TUSC3: variants seen among roughly 807,000 people sequenced by gnomAD.
The protein encoded by TUSC3 is tumor suppressor candidate 3, also known as dolichyl-diphosphooligosaccharide--protein glycosyltransferase subunit TUSC3.
Under a neutral mutation model 44.8 loss-of-function variants are expected in TUSC3, and 45 were observed. The observed-to-expected ratio is 1.00, with a 90% CI of 0.79 to 1.29. The LOEUF is 1.29. TUSC3 is among the 50% of genes most tolerant of loss of function. The probability of loss-of-function intolerance (pLI) is 0.00; values close to 1 mark genes in which losing one functional copy is unlikely to be tolerated. For missense variants in TUSC3, 519 were observed against 437.9 expected, an observed-to-expected ratio of 1.19 and a Z score of -1.65; for synonymous variants, 212 against 152.9, an observed-to-expected ratio of 1.39 and a Z score of -2.85.
chr8:15,634,439 A>G (rs1014089912), intron 2 of TUSC3, among the ~76,000 whole-genome samples: 9 of 152,204 alleles, frequency 5.9e-5, no homozygotes, highest in African/African-American at 1.9e-4. Flanking sequence ...AGACTGAGCT[A>G]TGGCCACAGG....
At chr8:15,794,800 A>G in the TUSC3 span, among the ~76,000 whole-genome samples, 21 of 152,284 alleles carry the variant, frequency 1.4e-4, no homozygotes, top group South Asian at 2.3e-3. Context: ...TACCTTTATT[A>G]TACGAGACAG....
At chr8:15,433,441 T>C (rs1799903510) in intron 1 of TUSC3, among the ~76,000 whole-genome samples, 1 of 152,136 alleles carries the variant, frequency 6.6e-6, no homozygotes, top group African/African-American at 2.4e-5. Flanking sequence ...TTTTGACAAA[T>C]GTATGTCATG....
Position 15,765,985 on chromosome 8 carries a change from A to G in TUSC3, c.*1829A>G, listed in dbSNP as rs1812314856. ...AGCTGATTAAATGATATTACAAATT[A>G]TCTCTAATCTCACTGTAAATCTTTT... On this transcript the variant is annotated 3_prime_UTR_variant, in exon 11 of 11. Transcript: ENST00000503731. The G allele has an allele frequency of 6.6e-6, 1 of 152,078 alleles. No individual in the cohort carries two copies. The highest frequency in any genetic ancestry group is 2.1e-4 in the South Asian group (1 of 4,818). 9.4% of individuals were successfully genotyped at this position (152,078 alleles called of 1,614,324 possible).
intron 1 of TUSC3, among the ~76,000 whole-genome samples, chr8:15,556,617 C>G (rs1477851074): frequency 6.8e-6 from 1 of 146,500 alleles, no homozygotes; most frequent in Non-Finnish European, 1.5e-5. Flanking sequence ...TACAGTCCCA[C>G]CAACAGTGTA....
the TUSC3 span, among the ~76,000 whole-genome samples, chr8:15,805,525 T>C: frequency 5.3e-5 from 8 of 152,178 alleles, no homozygotes; most frequent in African/African-American, 1.2e-4. Context: ...AGTTTGTTGA[T>C]GGTTTATTAT....
the TUSC3 span, chr8:15,806,974 C>T: frequency 4.1e-6 from 6 of 1,466,300 alleles, no homozygotes; most frequent in South Asian, 1.1e-5. Context: ...CTCCAGGAAA[C>T]CTGTTCTGAT....
chr8:15,593,697 C>T lies in TUSC3; in HGVS notation c.139-29383C>T, dbSNP rs140573285. On this transcript the variant is annotated intron_variant, in intron 1 of 10. Transcript: ENST00000503731. ...GCCTTCATTTCTTGTAGTCTTTCCTCATTTCTACCATTATATTGAAATTAT... is the reference window on the plus strand; with the variant it reads ...GCCTTCATTTCTTGTAGTCTTTCCTTATTTCTACCATTATATTGAAATTAT... 2.7e-3 allele frequency among the ~76,000 whole-genome samples: 408 copies of T among 152,272 alleles called. 2 individuals carry two copies. The highest frequency in any genetic ancestry group is 9.4e-3 in the African/African-American group (391 of 41,558).
chr8:15,441,953 G>C (rs1800026225), intron 1 of TUSC3, among the ~76,000 whole-genome samples: 2 of 152,058 alleles, frequency 1.3e-5, no homozygotes, highest in Admixed American at 1.3e-4. Flanking sequence ...CTCCTATCCG[G>C]TCTCATTCCC....
chr8:15,832,285 G>A, the TUSC3 span, among the ~76,000 whole-genome samples: 1 of 152,078 alleles, frequency 6.6e-6, no homozygotes, highest in Non-Finnish European at 1.5e-5. Flanking sequence ...CCCACCTGAA[G>A]GAAACACTGA....
At chr8:15,590,616 A>T (rs1351745956) in intron 1 of TUSC3, among the ~76,000 whole-genome samples, 2 of 151,762 alleles carry the variant, frequency 1.3e-5, no homozygotes, top group Non-Finnish European at 2.9e-5. Context: ...GGATTCTTCA[A>T]AGTATTTATA....
chr8:15,467,346 T>G (rs1276515223), intron 1 of TUSC3, among the ~76,000 whole-genome samples: 2 of 151,782 alleles, frequency 1.3e-5, no homozygotes, highest in Non-Finnish European at 2.9e-5. Flanking sequence ...CTCCTACATC[T>G]TGAACTCACT....
the TUSC3 span, among the ~76,000 whole-genome samples, chr8:15,826,923 C>G: frequency 6.6e-6 from 1 of 152,168 alleles, no homozygotes; most frequent in African/African-American, 2.4e-5. Flanking sequence ...AATAGGGAAG[C>G]TCTCAATCCT....
intron 9 of TUSC3, among the ~76,000 whole-genome samples, chr8:15,750,259 G>A (rs1192898713): frequency 3.9e-5 from 6 of 151,988 alleles, no homozygotes; most frequent in South Asian, 4.1e-4. Flanking sequence ...GATTACAGGC[G>A]TGAGCCACCA....
rs188164973 is a variant in TUSC3 at position 15,740,801 on chromosome 8, T to C, written c.863-2737T>C. Among the ~76,000 whole-genome samples the C allele has an allele frequency of 3.6e-4, 55 of 152,244 alleles. No homozygotes were observed. The East Asian group carries it at 9.7e-3, about 27-fold the overall frequency. The stretch of plus-strand genomic sequence containing the variant: ...ATGGTTATAGACCGTGGAGAAAATA[T>C]TGCACATGTACACTAGGAGACCTGT... On this transcript the variant is annotated intron_variant, in intron 7 of 10. Transcript: ENST00000503731.
intron 1 of TUSC3, among the ~76,000 whole-genome samples, chr8:15,586,610 C>G (rs777315660): frequency 2.0e-5 from 3 of 152,078 alleles, no homozygotes; most frequent in Admixed American, 2.0e-4. Flanking sequence ...ACTGTGAATG[C>G]AAATCATTTG....
intron 6 of TUSC3, among the ~76,000 whole-genome samples, chr8:15,690,271 G>A (rs138911541): frequency 1.1e-4 from 17 of 152,020 alleles, no homozygotes; most frequent in African/African-American, 3.9e-4. Context: ...ACGCTGTTGA[G>A]CATTTCTTCT....
chr8:15,681,549 G>T (rs1808431145), intron 6 of TUSC3, among the ~76,000 whole-genome samples: 1 of 111,580 alleles, frequency 9.0e-6, no homozygotes, highest in Admixed American at 9.9e-5. Context: ...TGCTTATTTG[G>T]ATCTTTTCTC....
upstream of TUSC3, among the ~76,000 whole-genome samples, chr8:15,536,720 A>T (rs1047752120): frequency 2.8e-5 from 4 of 140,534 alleles, no homozygotes; most frequent in East Asian, 6.4e-4. Context: ...AAAAAAAAAA[A>T]AAAAGAATGC....
intron 1 of TUSC3, among the ~76,000 whole-genome samples, chr8:15,464,704 CTT>C (rs754597867): frequency 3.9e-5 from 6 of 152,064 alleles, no homozygotes; most frequent in Non-Finnish European, 8.8e-5. Flanking sequence ...ACTGTTAAAA[CTT>C]TTACTGTCTG....
Sources: allele counts gnomAD v4.1 joint callset (sites outside exome capture counted in the v4.1 genomes callset), GRCh38; gene constraint gnomAD v4.1.1; transcripts MANE v1.5; gene names NCBI Gene and HGNC (gene_info 2026-07-23, HGNC 2026-07-21).